The following TPRX1 variants were observed in gnomAD, a reference collection of about 807,000 sequenced individuals.
TPRX1 encodes the protein tetra-peptide repeat homeobox protein 1.
TPRX1 carries 2 observed loss-of-function variants against 8.1 expected under a neutral mutation model. The observed-to-expected ratio is 0.25, with a 90% CI of 0.10 to 0.78. The LOEUF (loss-of-function observed/expected upper bound fraction) is 0.78. TPRX1 is among the 30% of genes least tolerant of loss of function. TPRX1 has a pLI of 0.70. For missense variants in TPRX1, 517 were observed against 586.9 expected, an observed-to-expected ratio of 0.88 and a Z score of 1.23; for synonymous variants, 257 against 254.1, an observed-to-expected ratio of 1.01 and a Z score of -0.11.
intron 2 of TPRX1, among the ~76,000 whole-genome samples, chr19:47,811,702 T>C (rs1447519604): frequency 6.6e-6 from 1 of 151,608 alleles, no homozygotes; most frequent in Non-Finnish European, 1.5e-5. Context: ...TTTCACCATA[T>C]TGGCCAGGCT....
chr19:47,810,694 G>A (rs1319226408), intron 2 of TPRX1, among the ~76,000 whole-genome samples: 1 of 151,934 alleles, frequency 6.6e-6, no homozygotes, highest in African/African-American at 2.4e-5. Flanking sequence ...TGATGGGGTT[G>A]ACCTCTTGGT....
chr19:47,802,300 G>T, exon 4 of TPRX1: 2 of 1,317,354 alleles, frequency 1.5e-6, no homozygotes, highest in South Asian at 2.6e-5. Flanking sequence ...CTGGGATCGG[G>T]CCTGGGTTCG....
rs149923413 is a variant in TPRX1, at chr19:47,802,015, G to C, written c.1287C>G (p.Pro429=). The change falls in exon 4 of 4, where the codon CCC becomes CCG. Residue 429 remains proline (P), a synonymous_variant. Coordinates refer to ENST00000535759, the Ensembl canonical transcript of TPRX1. Reference sequence around the variant, plus strand: ...AGGCATCGGGGCTCTGAGGCCATAAGGGGGCTGGGGCTGGGAGTGATCCTG... The same window carrying C: ...AGGCATCGGGGCTCTGAGGCCATAACGGGGCTGGGGCTGGGAGTGATCCTG... 4 of 1,612,454 alleles carry C rather than the reference G, an allele frequency of 2.5e-6. 1 individual carries two copies. Among genetic ancestry groups the C allele is most frequent in the South Asian group, 2.2e-5 (2 of 90,760 alleles).
intron 2 of TPRX1, among the ~76,000 whole-genome samples, chr19:47,810,500 C>T (rs1568616104): frequency 6.6e-6 from 1 of 150,940 alleles, no homozygotes; most frequent in African/African-American, 2.4e-5. Context: ...AGGCGCCCAC[C>T]ACCACGCCCG....
intron 2 of TPRX1, among the ~76,000 whole-genome samples, chr19:47,816,301 C>T (rs564438185): frequency 6.6e-6 from 1 of 152,184 alleles, no homozygotes; most frequent in Non-Finnish European, 1.5e-5. Flanking sequence ...CTCCTGAGCT[C>T]AAGCGATCCT....
intron 2 of TPRX1, among the ~76,000 whole-genome samples, chr19:47,818,297 TCCAC>T (rs1568618448): frequency 1.0e-4 from 13 of 125,112 alleles, no homozygotes; most frequent in African/African-American, 4.0e-4. Flanking sequence ...CATCCATCCA[TCCAC>T]CCATCCATCA....
chr19:47,802,930 C>T, exon 4 of TPRX1: 3 of 1,543,286 alleles, frequency 1.9e-6, no homozygotes, highest in Non-Finnish European at 2.6e-6. Context: ...GGGGCTGCTG[C>T]TGGAGCCGCC....
Position 47,813,872 on chromosome 19 carries a change from C to A in TPRX1, c.151+4596G>T, listed in dbSNP as rs377074230. Among the ~76,000 whole-genome samples the A allele has an allele frequency of 3.5e-4, 52 of 150,154 alleles. 1 individual carries two copies. In the East Asian group the frequency reaches 9.6e-3, roughly 28 times the overall value. On this transcript the variant is annotated intron_variant, in intron 2 of 3. Coordinates refer to ENST00000535759, the Ensembl canonical transcript of TPRX1. ...GTGAGAGAGGCGTCGCTGGGGAGAC[C>A]CAGGTGCCAGGACGGCCACCAGGGG...
chr19:47,815,162 A>AT (rs1326536685), intron 2 of TPRX1, among the ~76,000 whole-genome samples: 2,172 of 74,504 alleles, frequency 0.029, 96 homozygotes, highest in African/African-American at 0.066. Flanking sequence ...ATATATATAT[A>AT]TTTTTTTTTT....
intron 2 of TPRX1, among the ~76,000 whole-genome samples, chr19:47,812,394 C>T (rs1281076247): frequency 1.3e-5 from 2 of 151,398 alleles, no homozygotes; most frequent in South Asian, 2.1e-4. Context: ...GCCAGGAGTT[C>T]GAGACCAGCC....
At position 47,816,529 on chromosome 19, in the gene TPRX1, A is replaced by ATT. The variant is rs35029272; in HGVS notation, c.151+1937_151+1938dup. ...GCCTTGGCCTCCCAAACCCCTGGGAATTTTTTTTTTTTTTTTTTTTTGAGA... is the reference window on the plus strand; with the variant it reads ...GCCTTGGCCTCCCAAACCCCTGGGAATTTTTTTTTTTTTTTTTTTTTTTGAGA... On this transcript the variant is annotated intron_variant, in intron 2 of 3. Coordinates refer to ENST00000535759, the Ensembl canonical transcript of TPRX1. 5.0e-3 allele frequency among the ~76,000 whole-genome samples: 571 copies of ATT among 114,642 alleles called. 10 individuals carry two copies. Among genetic ancestry groups the ATT allele is most frequent in the Non-Finnish European group, 5.5e-3 (312 of 56,436 alleles). 75.2% of individuals were successfully genotyped at this position (114,642 alleles called of 152,430 possible).
At chr19:47,809,143 G>A (rs1480041749) in intron 2 of TPRX1, among the ~76,000 whole-genome samples, 1 of 152,068 alleles carries the variant, frequency 6.6e-6, no homozygotes, top group African/African-American at 2.4e-5. Context: ...GAGTAATAAT[G>A]TACTAAATGA....
intron 2 of TPRX1, among the ~76,000 whole-genome samples, chr19:47,809,666 C>T (rs771195964): frequency 6.6e-5 from 10 of 152,130 alleles, no homozygotes; most frequent in Non-Finnish European, 1.2e-4. Flanking sequence ...TTCTCTATTT[C>T]CTGCTGTTTA....
intron 1 of TPRX1, among the ~76,000 whole-genome samples, chr19:47,818,778 T>G (rs538546338): frequency 5.8e-4 from 89 of 152,294 alleles, no homozygotes; most frequent in African/African-American, 2.1e-3. Context: ...AGTTCTAGGG[T>G]ACATGTGCAC....
chr19:47,802,625 C>T (rs368609917), exon 4 of TPRX1: 18 of 1,549,940 alleles, frequency 1.2e-5, no homozygotes, highest in Middle Eastern at 1.7e-4. Context: ...TGGGATCGGG[C>T]TTGGGATCTG....
At chr19:47,802,595 A>G (rs1328915912) in exon 4 of TPRX1, 1 of 1,546,628 alleles carries the variant, frequency 6.5e-7, no homozygotes, top group South Asian at 1.2e-5. Context: ...TGGGCCTGAA[A>G]TTGGGCCTGG....
chr19:47,804,692 A>G lies in TPRX1; in HGVS notation c.152-1019T>C, dbSNP rs374809664. 4.6e-3 allele frequency among the ~76,000 whole-genome samples: 662 copies of G among 143,020 alleles called. 4 individuals are homozygous for G. The highest frequency in any genetic ancestry group is 0.014 in the African/African-American group (568 of 39,458). The allele number at this position is 143,020 out of a possible 152,430, so 93.8% of individuals were successfully genotyped here. A position where few individuals can be genotyped will look rare whatever the true frequency, so the allele number is the denominator to read the frequency against. ...TCCCGCCCCCTGGAGGAGTTGAATG[A>G]TGGATTAATCCTTCATCACTGATCA... On this transcript the variant is annotated intron_variant, in intron 2 of 3. Transcript: ENST00000535759.
exon 2 of TPRX1, chr19:47,818,473 T>C (rs1197938211): frequency 6.6e-6 from 3 of 455,938 alleles, no homozygotes; most frequent in Non-Finnish European, 1.3e-5. Flanking sequence ...CTTACTGCTG[T>C]GTGTCTGGGA....
Position 47,812,942 on chromosome 19 carries a change from C to T in TPRX1, c.151+5526G>A, listed in dbSNP as rs529770472. Reference sequence around the variant, plus strand: ...CCAACATGGTGAAACCCCGTCTGTACTAAAAATACAAAAAATTAGCCAGGT... The same window carrying T: ...CCAACATGGTGAAACCCCGTCTGTATTAAAAATACAAAAAATTAGCCAGGT... On this transcript the variant is annotated intron_variant, in intron 2 of 3. Coordinates refer to ENST00000535759, the Ensembl canonical transcript of TPRX1. 3.4e-4 allele frequency among the ~76,000 whole-genome samples: 51 copies of T among 151,486 alleles called. No individual in the cohort carries two copies. The South Asian group carries it at 9.4e-3, about 28-fold the overall frequency.
Sources: gnomAD v4.1 joint callset for allele counts (sites outside exome capture counted in the v4.1 genomes callset) on GRCh38, gnomAD v4.1.1 for gene constraint, MANE v1.5 for transcripts, NCBI Gene and HGNC (gene_info 2026-07-23, HGNC 2026-07-21) for gene names.